Variants in MKLN1 observed in about 807,000 individuals in gnomAD.
MKLN1 encodes muskelin 1.
In MKLN1, 18 loss-of-function variants were observed where a neutral mutation model predicts 99.0. The ratio of observed to expected loss-of-function variants is 0.18; its 90% CI spans 0.13 to 0.27. The LOEUF (loss-of-function observed/expected upper bound fraction) is 0.27. Ranked by LOEUF, MKLN1 falls within the 10% of genes least tolerant of loss-of-function variation. The probability of loss-of-function intolerance (pLI) is 1.00; values close to 1 mark genes in which losing one functional copy is unlikely to be tolerated. For synonymous variants in MKLN1, 288 were observed against 293.2 expected, an observed-to-expected ratio of 0.98 and a Z score of 0.18; for missense variants, 621 against 875.9, an observed-to-expected ratio of 0.71 and a Z score of 3.67.
chr7:131,328,100 G>A, intron 1 of MKLN1, 103 bp downstream of exon 1: 1 of 1,402,954 alleles, frequency 7.1e-7, no homozygotes, highest in East Asian at 2.5e-5. Context: ...CCCAGGCGGG[G>A]CCTGCTGAGG....
rs375348097 is a variant in MKLN1, at chr7:131,397,224, G to C, written c.401-43G>C. 150 of 1,260,678 alleles carry C rather than the reference G, an allele frequency of 1.2e-4. No individual in the cohort carries two copies. In the African/African-American group the frequency reaches 2.0e-3, roughly 17 times the overall value. The allele number at this position is 1,260,678 out of a possible 1,614,324, so 78.1% of individuals were successfully genotyped here. A position where few individuals can be genotyped will look rare whatever the true frequency, so the allele number is the denominator to read the frequency against. On this transcript the variant is annotated intron_variant, in intron 4 of 17. Transcript: ENST00000352689. ...ACTTTGCTAAAGTTTTATTTGAACT[G>C]TGTTAATATTTTTCTTCTTCTTTTT...
At chr7:131,179,825 C>T (rs556183070) in intron 2 of MKLN1, among the ~76,000 whole-genome samples, 16 of 152,228 alleles carry the variant, frequency 1.1e-4, no homozygotes, top group East Asian at 5.8e-4. Context: ...CCGCCTGCCT[C>T]GGCCTCCCAA....
intron 6 of MKLN1, among the ~76,000 whole-genome samples, chr7:131,404,686 C>T (rs1794648266): frequency 6.6e-6 from 1 of 151,914 alleles, no homozygotes; most frequent in Non-Finnish European, 1.5e-5. Flanking sequence ...CTCACTACAG[C>T]CTTGACCTCC....
chr7:131,417,158 A>G (rs1278973075), intron 8 of MKLN1, among the ~76,000 whole-genome samples: 6 of 152,092 alleles, frequency 3.9e-5, no homozygotes, highest in Non-Finnish European at 5.9e-5. Flanking sequence ...AGGATTTATT[A>G]TAGGTTAGTG....
intron 1 of MKLN1, among the ~76,000 whole-genome samples, chr7:131,353,677 G>T (rs1007898931): frequency 6.6e-6 from 1 of 151,880 alleles, no homozygotes; most frequent in Admixed American, 6.6e-5. Flanking sequence ...TTTTGTATAA[G>T]ATCTCCTTGC....
chr7:131,152,788 T>C (rs772978531), intron 2 of MKLN1, among the ~76,000 whole-genome samples: 6 of 151,982 alleles, frequency 3.9e-5, no homozygotes, highest in Non-Finnish European at 7.4e-5. Context: ...AGTTTGCTTG[T>C]TGAAGCAAGA....
chr7:131,188,966 G>A (rs1796492756), intron 2 of MKLN1, among the ~76,000 whole-genome samples: 1 of 152,070 alleles, frequency 6.6e-6, no homozygotes, highest in African/African-American at 2.4e-5. Context: ...GAGGAGGGGT[G>A]GAAAGAAGTC....
intron 2 of MKLN1, among the ~76,000 whole-genome samples, chr7:131,145,960 A>G (rs1795809934): frequency 6.6e-6 from 1 of 152,244 alleles, no homozygotes; most frequent in Non-Finnish European, 1.5e-5. Context: ...AGATTTGTTT[A>G]TAATAGCAAA....
At chr7:131,208,414 G>A (rs972982205) in intron 3 of MKLN1, among the ~76,000 whole-genome samples, 1 of 152,080 alleles carries the variant, frequency 6.6e-6, no homozygotes, top group African/African-American at 2.4e-5. Context: ...GGCAACACAG[G>A]AAAACCCTGT....
chr7:131,351,784 A>G (rs958241399), intron 1 of MKLN1, among the ~76,000 whole-genome samples: 26 of 152,224 alleles, frequency 1.7e-4, no homozygotes, highest in Non-Finnish European at 3.4e-4. Context: ...TTATCACTTC[A>G]GGAGGCACAA....
intron 12 of MKLN1, among the ~76,000 whole-genome samples, chr7:131,460,488 C>T (rs186605585): frequency 5.0e-4 from 76 of 152,348 alleles, no homozygotes; most frequent in African/African-American, 1.4e-3. Context: ...AGAATAGGCA[C>T]ACAAGTTGGG....
At chr7:131,252,246 T>A (rs1797592835) in intron 3 of MKLN1, among the ~76,000 whole-genome samples, 1 of 152,098 alleles carries the variant, frequency 6.6e-6, no homozygotes, top group African/African-American at 2.4e-5. Flanking sequence ...TGGACTTGAT[T>A]TAATGAAAAT....
chr7:131,329,617 A>C (rs1426609602), intron 1 of MKLN1, among the ~76,000 whole-genome samples: 9 of 152,214 alleles, frequency 5.9e-5, no homozygotes, highest in Admixed American at 2.0e-4. Flanking sequence ...GCGTATTTCC[A>C]GGACGTCACT....
chr7:131,246,158 G>A (rs1462234642), intron 3 of MKLN1, among the ~76,000 whole-genome samples: 3 of 152,216 alleles, frequency 2.0e-5, no homozygotes, highest in African/African-American at 7.2e-5. Context: ...CAGGCACTCT[G>A]CACAAAGCTA....
In MKLN1 at chr7:131,419,637, A is replaced by G. The variant is rs190077065; in HGVS notation, c.847+4927A>G. Among the ~76,000 whole-genome samples the G allele has an allele frequency of 6.7e-4, 102 of 152,292 alleles. 1 individual carries two copies. The highest frequency in any genetic ancestry group is 2.2e-3 in the Admixed American group (33 of 15,298). On this transcript the variant is annotated intron_variant, in intron 8 of 17. Transcript: ENST00000352689. Reference sequence around the variant, plus strand: ...AGGTATTCAAATAAAGTGTCTTCATACAGGTGATATTCATTATTGAACTGA... The same window carrying G: ...AGGTATTCAAATAAAGTGTCTTCATGCAGGTGATATTCATTATTGAACTGA...
chr7:131,192,055 T>TATATATATTATATATATAC lies in MKLN1; in HGVS notation c.-296-10802_-296-10801insATATATATTATATATATAC, dbSNP rs1563247007. Among the ~76,000 whole-genome samples the TATATATATTATATATATAC allele has an allele frequency of 4.2e-5, 4 of 96,186 alleles. 1 individual carries two copies. The highest frequency in any genetic ancestry group is 1.9e-4 in the African/African-American group (4 of 21,110). 63.1% of individuals were successfully genotyped at this position (96,186 alleles called of 152,430 possible). On this transcript the variant is annotated intron_variant, in intron 2 of 7. Transcript: ENST00000416992. ...GTATGTGTGTGTGTATATGTATACATGTATATATATATTATATATATACAT... is the reference window on the plus strand; with the variant it reads ...GTATGTGTGTGTGTATATGTATACATATATATATTATATATATACGTATATATATATTATATATATACAT...
At chr7:131,272,304 A>G (rs770878508) in intron 3 of MKLN1, among the ~76,000 whole-genome samples, 3 of 152,280 alleles carry the variant, frequency 2.0e-5, no homozygotes, top group Non-Finnish European at 4.4e-5. Context: ...CCCAAGGCAT[A>G]TCAGGCAAAG....
chr7:131,237,482 A>G (rs1797341454), intron 3 of MKLN1, among the ~76,000 whole-genome samples: 1 of 152,240 alleles, frequency 6.6e-6, no homozygotes. Flanking sequence ...GATGTACGTT[A>G]GAGCCAGAGG....
At chr7:131,127,942 G>A (rs1207166856) in intron 1 of MKLN1, among the ~76,000 whole-genome samples, 2 of 152,098 alleles carry the variant, frequency 1.3e-5, no homozygotes, top group South Asian at 4.1e-4. Context: ...GGAATGGTCC[G>A]AATAAGTAAC....
Sources: gnomAD v4.1 joint callset for allele counts (sites outside exome capture counted in the v4.1 genomes callset) on GRCh38, gnomAD v4.1.1 for gene constraint, MANE v1.5 for transcripts, NCBI Gene and HGNC (gene_info 2026-07-23, HGNC 2026-07-21) for gene names.